Variants in TNS3 observed in about 807,000 individuals in gnomAD.
TNS3 encodes the protein tensin 3.
In TNS3, 45 loss-of-function variants were observed where a neutral mutation model predicts 140.9. The observed-to-expected ratio is 0.32, with a 90% CI of 0.25 to 0.41. The LOEUF (loss-of-function observed/expected upper bound fraction) is 0.41. TNS3 is among the 10% of genes least tolerant of loss of function. The pLI is 1.00. For missense variants in TNS3, 1,716 were observed against 1,906.7 expected, an observed-to-expected ratio of 0.90 and a Z score of 1.86; for synonymous variants, 815 against 788.4, an observed-to-expected ratio of 1.03 and a Z score of -0.56.
chr7:47,562,392 T>C (rs959581030), intron 1 of TNS3, among the ~76,000 whole-genome samples: 7 of 152,064 alleles, frequency 4.6e-5, no homozygotes, highest in African/African-American at 7.2e-5. Flanking sequence ...TGCCTTTTTT[T>C]TTTTTTTTTC....
intron 8 of TNS3, among the ~76,000 whole-genome samples, chr7:47,432,386 C>A (rs1794969039): frequency 6.6e-6 from 1 of 152,242 alleles, no homozygotes; most frequent in Non-Finnish European, 1.5e-5. Context: ...TCTGCAGAAT[C>A]CCCAACAGCA....
chr7:47,288,351 C>G (rs1785525928), intron 27 of TNS3, among the ~76,000 whole-genome samples: 1 of 152,202 alleles, frequency 6.6e-6, no homozygotes, highest in Non-Finnish European at 1.5e-5. Context: ...GTGCTCTGTG[C>G]CTGTTGCTAT....
intron 20 of TNS3, among the ~76,000 whole-genome samples, chr7:47,314,754 C>T (rs1020629303): frequency 2.0e-5 from 3 of 152,112 alleles, no homozygotes; most frequent in East Asian, 1.9e-4. Context: ...GGAGATGGCC[C>T]GGGGTGGGGA....
At chr7:47,569,269 G>A (rs367597537) in intron 1 of TNS3, among the ~76,000 whole-genome samples, 7 of 152,212 alleles carry the variant, frequency 4.6e-5, no homozygotes, top group Non-Finnish European at 7.3e-5. Flanking sequence ...GGGTCCAGGC[G>A]CAGTGGCTCA....
At chr7:47,454,065 A>G (rs899073258) in intron 4 of TNS3, among the ~76,000 whole-genome samples, 8 of 152,200 alleles carry the variant, frequency 5.3e-5, no homozygotes, top group African/African-American at 1.9e-4. Context: ...AGAAAAGTGG[A>G]CCAAGGGAGG....
intron 18 of TNS3, 32 bp downstream of exon 18, chr7:47,346,155 C>A: frequency 6.2e-7 from 1 of 1,608,214 alleles, no homozygotes; most frequent in Non-Finnish European, 8.5e-7. Context: ...GTGGAATGGG[C>A]CCAGAAACTG....
At chr7:47,324,897 T>C (rs1478639260) in intron 20 of TNS3, among the ~76,000 whole-genome samples, 3 of 152,194 alleles carry the variant, frequency 2.0e-5, no homozygotes, top group African/African-American at 7.2e-5. Context: ...ATCCCTTCAA[T>C]TGTCACCAAG....
intron 20 of TNS3, among the ~76,000 whole-genome samples, chr7:47,319,378 CGAGAGAGA>C (rs141689314): frequency 6.7e-6 from 1 of 149,428 alleles, no homozygotes; most frequent in East Asian, 2.0e-4. Context: ...GAGAGGAAGG[CGAGAGAGA>C]GAGAGTGAGA....
intron 3 of TNS3, among the ~76,000 whole-genome samples, chr7:47,504,857 C>T (rs1345990491): frequency 6.6e-6 from 1 of 152,134 alleles, no homozygotes; most frequent in Non-Finnish European, 1.5e-5. Flanking sequence ...AAAAAATGAA[C>T]ACGGATATAT....
chr7:47,386,665 G>C (rs1004829192), intron 16 of TNS3, among the ~76,000 whole-genome samples: 1 of 152,234 alleles, frequency 6.6e-6, no homozygotes, highest in African/African-American at 2.4e-5. Context: ...TGCTCAGCCT[G>C]GCATGCGTCC....
chr7:47,416,078 C>T (rs1183294986), intron 10 of TNS3, among the ~76,000 whole-genome samples: 2 of 152,254 alleles, frequency 1.3e-5, no homozygotes, highest in African/African-American at 2.4e-5. Flanking sequence ...ACCCACATAA[C>T]CTCCACTGTA....
rs149944891 is a variant in TNS3, at chr7:47,434,679, G to A, written c.324+603C>T. On this transcript the variant is annotated intron_variant, in intron 8 of 30. Transcript: ENST00000311160. ...GGTGGGAGGAGGAAGCATGGAAGGA[G>A]CCCGATGCAGCCAGGAGGAGGAGTG... Among the ~76,000 whole-genome samples, 443 of 152,328 alleles carry A rather than the reference G, an allele frequency of 2.9e-3. 1 individual carries two copies. Among genetic ancestry groups the A allele is most frequent in the African/African-American group, 0.01 (418 of 41,572 alleles).
At chr7:47,400,969 C>A in intron 13 of TNS3, 55 bp from the exon 14 acceptor site, 1 of 1,607,668 alleles carries the variant, frequency 6.2e-7, no homozygotes, top group Non-Finnish European at 8.5e-7. Flanking sequence ...ACACACGTTC[C>A]CGGCAAGGAA....
intron 16 of TNS3, among the ~76,000 whole-genome samples, chr7:47,375,808 A>G (rs1791349215): frequency 6.6e-6 from 1 of 152,190 alleles, no homozygotes; most frequent in Non-Finnish European, 1.5e-5. Flanking sequence ...CTCAGCAACC[A>G]AAAATATTCA....
chr7:47,280,068 CTT>C, intron 30 of TNS3, 94 bp downstream of exon 30: 2 of 1,456,678 alleles, frequency 1.4e-6, no homozygotes, highest in Non-Finnish European at 9.5e-7. Flanking sequence ...TAGTCATTTT[CTT>C]ATAAGGCACC....
intron 15 of TNS3, among the ~76,000 whole-genome samples, chr7:47,397,811 T>C (rs992935579): frequency 5.9e-5 from 9 of 151,840 alleles, no homozygotes; most frequent in Non-Finnish European, 1.3e-4. Context: ...ACAAAGCTAG[T>C]AGAAGAAAAT....
chr7:47,369,467 G>A lies in TNS3; in HGVS notation c.1179C>T (p.Ser393=), dbSNP rs371865709. ...SDHTLSVSSD[S]GHSTASARTD... ...TCCTGGCAGAGGCTGTAGAGTGGCC[G>A]GAGTCACTGCTGACAGACAAGGTGT... The change falls in exon 17 of 31, where the codon TCC becomes TCT. Residue 393 remains serine (S), a synonymous_variant. Transcript: ENST00000311160. 3.0e-5 allele frequency: 48 copies of A among 1,614,144 alleles called. No homozygotes were observed. The highest frequency in any genetic ancestry group is 3.3e-4 in the Middle Eastern group (2 of 6,060).
chr7:47,320,384 A>T (rs1787662657), intron 20 of TNS3, among the ~76,000 whole-genome samples: 1 of 152,188 alleles, frequency 6.6e-6, no homozygotes, highest in African/African-American at 2.4e-5. Flanking sequence ...CAGCTCTGTG[A>T]GTTAAGAGGA....
At position 47,481,106 on chromosome 7, in the gene TNS3, TTCCA is replaced by T. The variant is rs1797397929; in HGVS notation, c.-83_-80del. 2 of 1,289,674 alleles carry T rather than the reference TTCCA, an allele frequency of 1.6e-6. No individual in the cohort carries two copies. Among genetic ancestry groups the T allele is most frequent in the Non-Finnish European group, 2.0e-6 (2 of 988,876 alleles). 79.9% of individuals were successfully genotyped at this position (1,289,674 alleles called of 1,614,324 possible). On this transcript the variant is annotated 5_prime_UTR_variant, in exon 4 of 31. Transcript: ENST00000311160. ...CAAAGAAATGCAAAGGGCTTACCTG[TTCCA>T]GTCGGACTTGCACACCGCAGGGAAT...
Sources: gnomAD v4.1 joint callset for allele counts (sites outside exome capture counted in the v4.1 genomes callset) on GRCh38, gnomAD v4.1.1 for gene constraint, MANE v1.5 for transcripts, NCBI Gene and HGNC (gene_info 2026-07-23, HGNC 2026-07-21) for gene names.